Variants in STYK1 observed in about 807,000 individuals in gnomAD.
The protein encoded by STYK1 is STY kinase 1, also known as tyrosine-protein kinase STYK1.
STYK1 carries 46 observed loss-of-function variants against 48.1 expected under a neutral mutation model. The observed-to-expected ratio is 0.96, with a 90% confidence interval of 0.75 to 1.22. The LOEUF (loss-of-function observed/expected upper bound fraction) is 1.22, where lower values mean the gene tolerates loss of function less well. Ranked by LOEUF, STYK1 falls within the 50% of genes most tolerant of loss-of-function variation. The probability of loss-of-function intolerance (pLI) is 0.00; values close to 1 mark genes in which losing one functional copy is unlikely to be tolerated. For missense variants in STYK1, 527 were observed against 521.1 expected (o/e 1.01, Z -0.11); for synonymous variants, 188 against 189.0 (o/e 0.99, Z 0.04).
chr12:10,655,778 A>T (rs1304476559), intron 1 of STYK1, among the ~76,000 whole-genome samples: 3 of 152,202 alleles, frequency 2.0e-5, no homozygotes, highest in African/African-American at 7.2e-5. Flanking sequence ...AGCCAGAAAA[A>T]TGGATTGTGT....
Position 10,624,674 on chromosome 12 carries a change from T to C in STYK1, c.903A>G (p.Arg301=). 1 of 1,614,062 alleles carries C rather than the reference T, an allele frequency of 6.2e-7. No homozygotes were observed. Among genetic ancestry groups the C allele is most frequent in the Non-Finnish European group, 8.5e-7 (1 of 1,180,006 alleles). Residue 301 remains arginine (R), a synonymous_variant, in exon 8 of 11, where the codon AGA becomes AGG. Coordinates refer to ENST00000075503, the MANE Select transcript of STYK1 (RefSeq NM_018423.3). ...KWLAPERLLL[R]PASIRADVWS... is the part of the protein sequence containing the mutation. The stretch of plus-strand genomic sequence containing the variant: ...ACACATCTGCTCTGATGCTAGCAGG[T>C]CTCAGGAGAAGCCGTTCTGGGGCAA...
chr12:10,639,033 G>T (rs778607481), intron 1 of STYK1, among the ~76,000 whole-genome samples: 1 of 152,200 alleles, frequency 6.6e-6, no homozygotes, highest in Non-Finnish European at 1.5e-5. Context: ...GACTAAAAGT[G>T]AGGAGGGTAA....
chr12:10,661,873 T>C (rs1342356687), intron 1 of STYK1, among the ~76,000 whole-genome samples: 7 of 152,252 alleles, frequency 4.6e-5, no homozygotes, highest in Non-Finnish European at 8.8e-5. Context: ...ATATAATTCA[T>C]ATACCATAAA....
chr12:10,626,563 A>G (rs905157911), intron 7 of STYK1, among the ~76,000 whole-genome samples: 1 of 152,204 alleles, frequency 6.6e-6, no homozygotes, highest in African/African-American at 2.4e-5. Flanking sequence ...CAGTAGCTTC[A>G]CAGAACCCCG....
chr12:10,620,315 A>C lies in STYK1; in HGVS notation c.1098T>G (p.Arg366=). 1 of 1,613,536 alleles carries C rather than the reference A, an allele frequency of 6.2e-7. No individual in the cohort carries two copies. Among genetic ancestry groups the C allele is most frequent in the Non-Finnish European group, 8.5e-7 (1 of 1,180,036 alleles). ...CTCTAGGTGAGGGGCGGTCAGCCTC[A>C]CGCCAGCGCCAGCAGGACTTCATGA... ...YSIMKSCWRW[R]EADRPSPREL... Residue 366 remains arginine (R), a synonymous_variant, in exon 11 of 11, where the codon CGT becomes CGG. Coordinates refer to ENST00000075503, the MANE Select transcript of STYK1 (RefSeq NM_018423.3).
chr12:10,653,511 T>C (rs1197033137), intron 1 of STYK1, among the ~76,000 whole-genome samples: 1 of 152,184 alleles, frequency 6.6e-6, no homozygotes, highest in Non-Finnish European at 1.5e-5. Context: ...TATATTTACA[T>C]ATGAGAATTC....
At chr12:10,633,576 T>G (rs1947452128) in intron 4 of STYK1, among the ~76,000 whole-genome samples, 1 of 152,098 alleles carries the variant, frequency 6.6e-6, no homozygotes, top group Non-Finnish European at 1.5e-5. Context: ...TAAAGGCCCC[T>G]CCTTTCCATC....
intron 7 of STYK1, 121 bp downstream of exon 7, chr12:10,627,520 C>T: frequency 1.2e-6 from 1 of 840,350 alleles, no homozygotes; most frequent in Non-Finnish European, 1.8e-6. Context: ...CCCCTAACTT[C>T]TATCTAATTT....
chr12:10,644,279 A>G (rs1947576525), intron 1 of STYK1, among the ~76,000 whole-genome samples: 1 of 152,220 alleles, frequency 6.6e-6, no homozygotes, highest in Non-Finnish European at 1.5e-5. Context: ...ATGAGTCTAT[A>G]CATGTGATAA....
At chr12:10,663,598 C>CAAAAAAAAAAAA (rs34019110) in intron 1 of STYK1, among the ~76,000 whole-genome samples, 1 of 51,486 alleles carries the variant, frequency 1.9e-5, no homozygotes, top group African/African-American at 6.8e-5. Flanking sequence ...GACTCTGTCT[C>CAAAAAAAAAAAA]AAAAAAAAAA....
At chr12:10,656,288 T>C (rs1398270423) in intron 1 of STYK1, among the ~76,000 whole-genome samples, 2 of 152,092 alleles carry the variant, frequency 1.3e-5, no homozygotes, top group Non-Finnish European at 2.9e-5. Context: ...TTTTCTTTTG[T>C]AAATTGTCCA....
intron 1 of STYK1, among the ~76,000 whole-genome samples, chr12:10,642,036 G>A (rs1041688109): frequency 6.6e-6 from 1 of 152,232 alleles, no homozygotes. Flanking sequence ...AAACGTGCAT[G>A]TCTCCTAAGG....
At chr12:10,663,857 T>C (rs1005439682) in intron 1 of STYK1, among the ~76,000 whole-genome samples, 6 of 152,170 alleles carry the variant, frequency 3.9e-5, no homozygotes, top group African/African-American at 1.2e-4. Context: ...TATATGTCTT[T>C]CCATTCATTT....
intron 1 of STYK1, among the ~76,000 whole-genome samples, chr12:10,647,574 T>G (rs913777325): frequency 6.6e-6 from 1 of 151,420 alleles, no homozygotes; most frequent in African/African-American, 2.5e-5. Flanking sequence ...TTTGAGTTAA[T>G]GCTGAAATGA....
intron 1 of STYK1, among the ~76,000 whole-genome samples, chr12:10,665,941 C>T (rs967223016): frequency 7.9e-5 from 12 of 152,118 alleles, no homozygotes; most frequent in African/African-American, 2.4e-4. Flanking sequence ...GTGGAATCTG[C>T]GAATAAGTCT....
At position 10,619,724 on chromosome 12, in the gene STYK1, T is replaced by C. The variant is rs1865874498; in HGVS notation, c.*420A>G. On this transcript the variant is annotated 3_prime_UTR_variant, in exon 11 of 11. Transcript: ENST00000075503. ...AATCCTGAGCAAGAAGAACCTTAAA[T>C]TTTCTTTCCCTTCAACTCTTTTATT... 3 of 299,544 alleles carry C rather than the reference T, an allele frequency of 1.0e-5. No individual in the cohort carries two copies. Among genetic ancestry groups the C allele is most frequent in the Non-Finnish European group, 1.8e-5 (3 of 163,442 alleles). The allele number at this position is 299,544 out of a possible 1,614,324, so 18.6% of individuals were successfully genotyped here.
chr12:10,629,932 T>C (rs904283385), intron 5 of STYK1, among the ~76,000 whole-genome samples: 4 of 152,178 alleles, frequency 2.6e-5, no homozygotes, highest in Non-Finnish European at 5.9e-5. Context: ...ATAGTCTGTT[T>C]GCATTAAAAA....
chr12:10,651,696 T>G (rs74060473), intron 1 of STYK1, among the ~76,000 whole-genome samples: 6,066 of 152,242 alleles, frequency 0.04, 418 homozygotes, highest in African/African-American at 0.14. Flanking sequence ...CTATGTAACA[T>G]CAATATGATA....
chr12:10,622,616 C>G (rs1865925316), intron 9 of STYK1, 22 bp downstream of exon 9: 1 of 1,613,778 alleles, frequency 6.2e-7, no homozygotes, highest in African/African-American at 1.3e-5. Context: ...CAGGTACACA[C>G]TATTTTGGGG....
Sources: gnomAD v4.1 joint callset for allele counts (sites outside exome capture counted in the v4.1 genomes callset) on GRCh38, gnomAD v4.1.1 for gene constraint, MANE v1.5 for transcripts, NCBI Gene and HGNC (gene_info 2026-07-23, HGNC 2026-07-21) for gene names.